Variants in KCNG2 observed in about 807,000 individuals in gnomAD.
KCNG2 encodes potassium voltage-gated channel modifier subfamily G member 2.
Under a neutral mutation model 12.3 loss-of-function variants are expected in KCNG2, and 7 were observed. The ratio of observed to expected loss-of-function variants is 0.57; its 90% CI spans 0.32 to 1.07. The LOEUF (loss-of-function observed/expected upper bound fraction) is 1.07. Ranked by LOEUF, KCNG2 falls within the 50% of genes least tolerant of loss-of-function variation. The probability of loss-of-function intolerance (pLI) is 0.04; values close to 1 mark genes in which losing one functional copy is unlikely to be tolerated. For synonymous variants in KCNG2, 414 were observed against 351.4 expected, an observed-to-expected ratio of 1.18 and a Z score of -1.99; for missense variants, 703 against 726.0, an observed-to-expected ratio of 0.97 and a Z score of 0.36.
chr18:79,881,931 A>G (rs754244065), intron 3 of KCNG2, among the ~76,000 whole-genome samples: 21 of 152,218 alleles, frequency 1.4e-4, no homozygotes, highest in Non-Finnish European at 1.3e-4. Flanking sequence ...GGCGTTTGGC[A>G]AAGTGAAAAG....
Position 79,863,771 on chromosome 18 carries a change from T to G in KCNG2, c.104T>G (p.Leu35Arg). 1 of 1,263,982 alleles carries G rather than the reference T, an allele frequency of 7.9e-7. No individual in the cohort carries two copies. Among genetic ancestry groups the G allele is most frequent in the Admixed American group, 4.4e-5 (1 of 22,552 alleles). The allele number at this position is 1,263,982 out of a possible 1,614,324, so 78.3% of individuals were successfully genotyped here. A position where few individuals can be genotyped will look rare whatever the true frequency, so the allele number is the denominator to read the frequency against. Residue 35 changes from leucine (L) to arginine (R), a missense_variant, in exon 3 of 4, where the codon CTG (leucine) becomes CGG (arginine). Coordinates refer to ENST00000316249, the MANE Select transcript of KCNG2 (RefSeq NM_012283.2). ...CGCGTGCGCCTGGCATGGGCCGCGC[T>G]GGCGCGATGCCCCCTCGCGCGCCTG... ...GCRVRLAWAALARCPLARLER... is the reference protein window; with the variant it reads ...GCRVRLAWAARARCPLARLER...
rs116246105 is a variant in KCNG2 at position 79,852,913 on chromosome 18, A to G, written c.-114-3466A>G. Among the ~76,000 whole-genome samples the G allele has an allele frequency of 1.8e-3, 275 of 152,352 alleles. 1 individual carries two copies. The highest frequency in any genetic ancestry group is 6.4e-3 in the African/African-American group (265 of 41,582). On this transcript the variant is annotated intron_variant, in intron 1 of 3. Transcript: ENST00000316249. ...TGGGGATGCAGCCTCCTACCTTAGCAGAGTCTTTGTCATTTCTTTGGGGGT... is the reference window on the plus strand; with the variant it reads ...TGGGGATGCAGCCTCCTACCTTAGCGGAGTCTTTGTCATTTCTTTGGGGGT...
intron 2 of KCNG2, among the ~76,000 whole-genome samples, chr18:79,859,009 C>T (rs11662248): frequency 0.31 from 46,564 of 151,892 alleles, 8,178 homozygotes; most frequent in South Asian, 0.52. Flanking sequence ...TTTTTTTTTC[C>T]ACCGTTACTT....
At chr18:79,807,986 ATGGG>A in intron 1 of KCNG2, among the ~76,000 whole-genome samples, 1 of 114,296 alleles carries the variant, frequency 8.7e-6, no homozygotes, top group South Asian at 2.9e-4. Context: ...ACTCCACGTT[ATGGG>A]CCCAGAGTCC....
At chr18:79,869,599 C>G (rs1979750892) in intron 3 of KCNG2, among the ~76,000 whole-genome samples, 1 of 152,204 alleles carries the variant, frequency 6.6e-6, no homozygotes. Context: ...ATCGTTCACT[C>G]CATTGCTGGG....
rs1189939395 is a variant in KCNG2 at position 79,899,295 on chromosome 18, C to T, written c.880C>T (p.Arg294Cys). 2.6e-6 allele frequency: 4 copies of T among 1,568,396 alleles called. No homozygotes were observed. Among genetic ancestry groups the T allele is most frequent in the Non-Finnish European group, 2.6e-6 (3 of 1,166,244 alleles). Reference sequence around the variant, plus strand: ...GGTGCTGCGGCTGCTGCGTGCGCTGCGCGTGCTCTACGTGATGCGCCTGGC... The same window carrying T: ...GGTGCTGCGGCTGCTGCGTGCGCTGTGCGTGCTCTACGTGATGCGCCTGGC... Reference protein sequence around the residue: ...GLVLRLLRALRVLYVMRLARH... With the variant: ...GLVLRLLRALCVLYVMRLARH... The change falls in exon 4 of 4, where the codon CGC becomes TGC. Residue 294 changes from arginine (R) to cysteine (C), a missense_variant. Physicochemically the swap from Arg to Cys is radical, Grantham distance 180. Transcript: ENST00000316249.
chr18:79,817,484 C>T (rs962320279), intron 1 of KCNG2, among the ~76,000 whole-genome samples: 2 of 149,752 alleles, frequency 1.3e-5, no homozygotes, highest in South Asian at 4.2e-4. Flanking sequence ...TTGTCACACA[C>T]GTGTCACACA....
chr18:79,827,187 C>T (rs960871965), intron 1 of KCNG2, among the ~76,000 whole-genome samples: 4 of 152,196 alleles, frequency 2.6e-5, no homozygotes, highest in African/African-American at 9.6e-5. Flanking sequence ...CCCACATGGT[C>T]ATGGAGCTGG....
chr18:79,863,823 C>G lies in KCNG2; in HGVS notation c.156C>G (p.His52Gln). 7.2e-7 allele frequency: 1 copy of G among 1,391,894 alleles called. No individual in the cohort carries two copies. The highest frequency in any genetic ancestry group is 9.4e-7 in the Non-Finnish European group (1 of 1,066,756). 86.2% of individuals were successfully genotyped at this position (1,391,894 alleles called of 1,614,324 possible). A position where few individuals can be genotyped will look rare whatever the true frequency, so the allele number is the denominator to read the frequency against. The stretch of plus-strand genomic sequence containing the variant: ...AGCGCCTGCGCGCCTGCCGCGGCCA[C>G]GACGACCTGCTGCGCGTGTGTGACG... ...RLERLRACRG[H>Q]DDLLRVCDDY... Residue 52 changes from histidine (H) to glutamine (Q), a missense_variant, in exon 3 of 4, where the codon CAC becomes CAG. Physicochemically the swap from His to Gln is conservative, Grantham distance 24. Coordinates refer to ENST00000316249, the MANE Select transcript of KCNG2 (RefSeq NM_012283.2).
chr18:79,829,212 G>A (rs535449599), intron 1 of KCNG2, among the ~76,000 whole-genome samples: 3,585 of 150,708 alleles, frequency 0.024, 195 homozygotes, highest in African/African-American at 0.084. Flanking sequence ...GTGTCTATGT[G>A]TGCATGTGTG....
At chr18:79,830,566 C>T (rs1048201392) in intron 1 of KCNG2, among the ~76,000 whole-genome samples, 1 of 152,244 alleles carries the variant, frequency 6.6e-6, no homozygotes, top group African/African-American at 2.4e-5. Context: ...GGGCCTTTGG[C>T]CATGGGTCCC....
chr18:79,798,215 G>A (rs1381758817), intron 1 of KCNG2, among the ~76,000 whole-genome samples: 2 of 151,416 alleles, frequency 1.3e-5, no homozygotes, highest in Admixed American at 1.3e-4. Context: ...AGGGGGCGGG[G>A]GCGGCTCGGG....
chr18:79,802,501 G>A (rs1186568661), intron 1 of KCNG2, among the ~76,000 whole-genome samples: 10 of 152,212 alleles, frequency 6.6e-5, no homozygotes, highest in Admixed American at 5.9e-4. Context: ...CTGCAGCATC[G>A]GCCCTAGTGG....
intron 1 of KCNG2, among the ~76,000 whole-genome samples, chr18:79,855,883 T>G (rs1311555148): frequency 6.6e-6 from 1 of 152,224 alleles, no homozygotes; most frequent in East Asian, 1.9e-4. Context: ...TGAATGAAAT[T>G]GAGCATTTTT....
At chr18:79,882,300 G>A (rs1164394606) in intron 3 of KCNG2, among the ~76,000 whole-genome samples, 1 of 152,220 alleles carries the variant, frequency 6.6e-6, no homozygotes, top group African/African-American at 2.4e-5. Context: ...CTTCAGCCCA[G>A]GAGTTCACGA....
intron 1 of KCNG2, among the ~76,000 whole-genome samples, chr18:79,798,316 G>C (rs1327436517): frequency 1.3e-5 from 2 of 152,078 alleles, no homozygotes; most frequent in African/African-American, 4.8e-5. Context: ...CGCCGGTCTG[G>C]CCGCGCCGCG....
chr18:79,827,547 G>A (rs544343227), intron 1 of KCNG2, among the ~76,000 whole-genome samples: 1 of 152,226 alleles, frequency 6.6e-6, no homozygotes, highest in Non-Finnish European at 1.5e-5. Context: ...TGTTCCTGGA[G>A]GAAGGAGGGT....
In KCNG2 at chr18:79,896,394, C is replaced by A. The variant is rs376657435; in HGVS notation, c.625-2646C>A. ...ATTCCAGTGAGATGGAGATATTATG[C>A]CTATAGAGCTGTATTCACTTTTCTC... On this transcript the variant is annotated intron_variant, in intron 3 of 3. Coordinates refer to ENST00000316249, the MANE Select transcript of KCNG2 (RefSeq NM_012283.2). Among the ~76,000 whole-genome samples, 179 of 152,166 alleles carry A rather than the reference C, an allele frequency of 1.2e-3. 6 individuals carry two copies. In the South Asian group the frequency reaches 0.035, roughly 30 times the overall value.
chr18:79,899,691 G>A lies in KCNG2; in HGVS notation c.1276G>A (p.Glu426Lys), dbSNP rs754867366. ...GCAGCAGCAGCGCGCGGCCAGCCCC[G>A]AGCCGGCCCTGCAGGAGGACAGCAC... ...KEQQQRAASP[E>K]PALQEDSTHS... The change falls in exon 4 of 4, where the codon GAG (glutamate) becomes AAG (lysine). Residue 426 changes from glutamate (E) to lysine (K), a missense_variant. Transcript: ENST00000316249. The A allele has an allele frequency of 8.7e-6, 14 of 1,607,754 alleles. No homozygotes were observed. The Admixed American group carries it at 1.5e-4, about 17-fold the overall frequency.
Sources: gnomAD v4.1 joint callset for allele counts (sites outside exome capture counted in the v4.1 genomes callset) on GRCh38, gnomAD v4.1.1 for gene constraint, MANE v1.5 for transcripts, NCBI Gene and HGNC (gene_info 2026-07-23, HGNC 2026-07-21) for gene names.